AFTPH: variants seen among roughly 807,000 people sequenced by gnomAD.
AFTPH encodes the protein aftiphilin, also known as aftiphilin protein.
Under a neutral mutation model 72.5 loss-of-function variants are expected in AFTPH, and 7 were observed. That is an observed-to-expected ratio of 0.10 (90% confidence interval 0.05 to 0.18). The LOEUF is 0.18. AFTPH is among the 10% of genes least tolerant of loss of function. AFTPH has a pLI of 1.00. For synonymous variants in AFTPH, 337 were observed against 370.1 expected (o/e 0.91, Z 1.03); for missense variants, 979 against 1,060.5 (o/e 0.92, Z 1.07).
At chr2:64,558,333 C>G (rs1671517186) in intron 2 of AFTPH, among the ~76,000 whole-genome samples, 1 of 152,102 alleles carries the variant, frequency 6.6e-6, no homozygotes, top group Admixed American at 6.5e-5. Flanking sequence ...GGACATATAA[C>G]AAAACCAATT....
intron 2 of AFTPH, among the ~76,000 whole-genome samples, chr2:64,565,869 T>C (rs1425299124): frequency 1.3e-5 from 2 of 152,260 alleles, no homozygotes; most frequent in African/African-American, 4.8e-5. Context: ...TGCCTCAGCT[T>C]CATTCCACTC....
intron 1 of AFTPH, among the ~76,000 whole-genome samples, chr2:64,542,805 ATGTT>A (rs3083213): frequency 0.31 from 47,577 of 151,854 alleles, 7,459 homozygotes; most frequent in South Asian, 0.39. Flanking sequence ...AGTCATATGA[ATGTT>A]TGTGCCAACT....
chr2:64,586,821 A>T (rs1478677213), intron 8 of AFTPH, among the ~76,000 whole-genome samples: 1 of 152,154 alleles, frequency 6.6e-6, no homozygotes, highest in Non-Finnish European at 1.5e-5. Flanking sequence ...TCACTTCTTC[A>T]AATCGAAACT....
At chr2:64,526,657 G>A (rs1669285269) in intron 1 of AFTPH, among the ~76,000 whole-genome samples, 1 of 152,052 alleles carries the variant, frequency 6.6e-6, no homozygotes, top group South Asian at 2.1e-4. Context: ...GCATTGTATG[G>A]ATTTTACATA....
chr2:64,589,048 CA>C (rs1673669556), intron 8 of AFTPH, among the ~76,000 whole-genome samples: 1 of 152,142 alleles, frequency 6.6e-6, no homozygotes, highest in South Asian at 2.1e-4. Context: ...CTTTGACACA[CA>C]AAAGCTTTTA....
At chr2:64,575,424 G>A (rs1450320811) in intron 6 of AFTPH, among the ~76,000 whole-genome samples, 1 of 151,956 alleles carries the variant, frequency 6.6e-6, no homozygotes, top group African/African-American at 2.4e-5. Flanking sequence ...CCAGGAGTTC[G>A]AGACCAGCCT....
intron 2 of AFTPH, among the ~76,000 whole-genome samples, chr2:64,556,758 A>G (rs187509577): frequency 3.9e-5 from 6 of 152,340 alleles, no homozygotes; most frequent in Middle Eastern, 3.4e-3. Flanking sequence ...AAATGTTCGT[A>G]GTCTAATTCT....
At chr2:64,559,754 G>C (rs1259431871) in intron 2 of AFTPH, among the ~76,000 whole-genome samples, 1 of 152,146 alleles carries the variant, frequency 6.6e-6, no homozygotes, top group Non-Finnish European at 1.5e-5. Context: ...GCCCAGCCTG[G>C]AGTGTAGTGG....
chr2:64,584,662 T>G lies in AFTPH; in HGVS notation c.2456-760T>G, dbSNP rs527796685. On this transcript the variant is annotated intron_variant, in intron 7 of 8. Transcript: ENST00000238856. ...CCCAGGCTGGAGTGCAGTGGCGTGATCTCGGCTCACTGCAAGCTCCGCCTT... is the reference window on the plus strand; with the variant it reads ...CCCAGGCTGGAGTGCAGTGGCGTGAGCTCGGCTCACTGCAAGCTCCGCCTT... Among the ~76,000 whole-genome samples, 7 of 146,860 alleles carry G rather than the reference T, an allele frequency of 4.8e-5. No individual in the cohort carries two copies. In the East Asian group the frequency reaches 1.4e-3, roughly 29 times the overall value.
chr2:64,583,070 C>A (rs1337405875), intron 7 of AFTPH, among the ~76,000 whole-genome samples: 2 of 152,016 alleles, frequency 1.3e-5, no homozygotes, highest in Non-Finnish European at 2.9e-5. Context: ...TATATATTTG[C>A]TTTGGCTTCT....
At chr2:64,550,769 T>C (rs1436527976) in intron 1 of AFTPH, among the ~76,000 whole-genome samples, 3 of 151,156 alleles carry the variant, frequency 2.0e-5, no homozygotes, top group African/African-American at 7.3e-5. Context: ...CCTGAGTTAA[T>C]AGTATTGTAC....
In AFTPH at chr2:64,585,412, A is replaced by G. The variant is rs1366617870; in HGVS notation, c.2456-10A>G. ...GCCTGCCATCACTGACTATCATTTTATACTATAAGGTGTGGATCCGGAGTT... is the reference window on the plus strand; with the variant it reads ...GCCTGCCATCACTGACTATCATTTTGTACTATAAGGTGTGGATCCGGAGTT... On this transcript the variant is annotated splice_polypyrimidine_tract_variant and intron_variant, in intron 7 of 8. Coordinates refer to ENST00000238856, the Ensembl canonical transcript of AFTPH. The G allele has an allele frequency of 6.2e-7, 1 of 1,613,018 alleles. No homozygotes were observed. Among genetic ancestry groups the G allele is most frequent in the Non-Finnish European group, 8.5e-7 (1 of 1,179,810 alleles).
intron 1 of AFTPH, among the ~76,000 whole-genome samples, chr2:64,537,314 T>C (rs1669949856): frequency 6.6e-6 from 1 of 152,180 alleles, no homozygotes; most frequent in Admixed American, 6.5e-5. Context: ...AAAAACCACC[T>C]GTCGGGTACT....
rs563475130 is a variant in AFTPH at position 64,586,213 on chromosome 2, C to T, written c.2579+668C>T. 9.2e-5 allele frequency among the ~76,000 whole-genome samples: 14 copies of T among 152,328 alleles called. No individual in the cohort carries two copies. In the East Asian group the frequency reaches 2.5e-3, roughly 27 times the overall value. On this transcript the variant is annotated intron_variant, in intron 8 of 8. Coordinates refer to ENST00000238856, the Ensembl canonical transcript of AFTPH. Reference sequence around the variant, plus strand: ...GTTAACCATAAGACTAAGCCAGTTTCTAACAGGAAGATACTATTCTGAACC... The same window carrying T: ...GTTAACCATAAGACTAAGCCAGTTTTTAACAGGAAGATACTATTCTGAACC...
intron 2 of AFTPH, among the ~76,000 whole-genome samples, chr2:64,561,495 A>G (rs1439090429): frequency 6.6e-6 from 1 of 152,138 alleles, no homozygotes; most frequent in Admixed American, 6.6e-5. Context: ...TTGGCAACAT[A>G]GTGAGACGCC....
chr2:64,576,280 T>A (rs1027957356), intron 6 of AFTPH, among the ~76,000 whole-genome samples: 1 of 151,840 alleles, frequency 6.6e-6, no homozygotes, highest in African/African-American at 2.4e-5. Context: ...TAGCCTTTAG[T>A]GCTAGAAGCA....
At chr2:64,585,198 C>T (rs1013504439) in intron 7 of AFTPH, among the ~76,000 whole-genome samples, 13 of 152,146 alleles carry the variant, frequency 8.5e-5, no homozygotes, top group African/African-American at 2.9e-4. Flanking sequence ...AGGATATATT[C>T]GTTCCAAAAT....
intron 7 of AFTPH, among the ~76,000 whole-genome samples, chr2:64,582,852 G>C (rs927004940): frequency 1.3e-5 from 2 of 152,100 alleles, no homozygotes; most frequent in Non-Finnish European, 2.9e-5. Context: ...CACAAATAAC[G>C]TGGCTATATA....
At chr2:64,550,563 CTAT>C (rs1399310466) in intron 1 of AFTPH, among the ~76,000 whole-genome samples, 3 of 151,766 alleles carry the variant, frequency 2.0e-5, no homozygotes, top group African/African-American at 7.3e-5. Flanking sequence ...AAGAGTGTGA[CTAT>C]TAAGAGGTAA....
Sources: allele counts gnomAD v4.1 joint callset (sites outside exome capture counted in the v4.1 genomes callset), GRCh38; gene constraint gnomAD v4.1.1; transcripts MANE v1.5; gene names NCBI Gene and HGNC (gene_info 2026-07-23, HGNC 2026-07-21).